The following CNOT1 variants were observed in gnomAD, a reference collection of about 807,000 sequenced individuals.
The protein encoded by CNOT1 is CCR4-associated factor 1.
In CNOT1, 15 loss-of-function variants were observed where a neutral mutation model predicts 273.8. The ratio of observed to expected loss-of-function variants is 0.05; its 90% confidence interval spans 0.04 to 0.08. The LOEUF (loss-of-function observed/expected upper bound fraction) is 0.08. Ranked by LOEUF, CNOT1 falls within the 10% of genes least tolerant of loss-of-function variation. The probability of loss-of-function intolerance (pLI) is 1.00; values close to 1 mark genes in which losing one functional copy is unlikely to be tolerated. For missense variants in CNOT1, 1,644 were observed against 2,912.2 expected, an observed-to-expected ratio of 0.56 and a Z score of 10.02; for synonymous variants, 1,022 against 1,005.5, an observed-to-expected ratio of 1.02 and a Z score of -0.31.
At chr16:58,597,761 G>C in intron 2 of CNOT1, 1 of 504,886 alleles carries the variant, frequency 2.0e-6, no homozygotes, top group South Asian at 1.5e-5. Flanking sequence ...CTGAGTGAAG[G>C]AGTCCAGGGG....
chr16:58,542,093 A>G, intron 33 of CNOT1, 138 bp downstream of exon 33: 1 of 1,078,922 alleles, frequency 9.3e-7, no homozygotes, highest in Non-Finnish European at 1.3e-6. Context: ...CCATTCAGTG[A>G]AATGCTATCA....
chr16:58,585,613 C>G (rs143452891), intron 7 of CNOT1, 107 bp from the exon 8 acceptor site: 1 of 1,455,156 alleles, frequency 6.9e-7, no homozygotes, highest in African/African-American at 1.4e-5. Flanking sequence ...AGTTCATATT[C>G]AAAGCCAAGC....
At chr16:58,628,969 G>A (rs1369536591) in intron 1 of CNOT1, among the ~76,000 whole-genome samples, 2 of 152,244 alleles carry the variant, frequency 1.3e-5, no homozygotes, top group African/African-American at 4.8e-5. Context: ...AGGCCTACAA[G>A]TGCTCAGCTC....
intron 42 of CNOT1, 150 bp from the exon 43 acceptor site, chr16:58,530,497 T>A: frequency 2.0e-6 from 1 of 510,140 alleles, no homozygotes; most frequent in Non-Finnish European, 3.3e-6. Flanking sequence ...AGATCGGCAT[T>A]AAAGGCCAGG....
intron 1 of CNOT1, among the ~76,000 whole-genome samples, chr16:58,627,743 A>C (rs1184339368): frequency 6.6e-6 from 1 of 152,210 alleles, no homozygotes; most frequent in African/African-American, 2.4e-5. Flanking sequence ...TAATGCCACA[A>C]AACCGTACCT....
At chr16:58,617,767 A>T (rs1255821351) in intron 1 of CNOT1, among the ~76,000 whole-genome samples, 1 of 152,130 alleles carries the variant, frequency 6.6e-6, no homozygotes. Context: ...GGACTTTGGG[A>T]GGCTGAGTCA....
intron 1 of CNOT1, among the ~76,000 whole-genome samples, chr16:58,621,343 G>A (rs975727162): frequency 4.0e-5 from 6 of 151,802 alleles, no homozygotes; most frequent in East Asian, 2.0e-4. Flanking sequence ...GTGCAATCTC[G>A]GCTCACCGCA....
At chr16:58,563,705 T>C (rs1375783985) in intron 16 of CNOT1, among the ~76,000 whole-genome samples, 2 of 152,194 alleles carry the variant, frequency 1.3e-5, no homozygotes, top group African/African-American at 4.8e-5. Flanking sequence ...TGTTGTCCCA[T>C]ATCTCACCAT....
At chr16:58,610,825 AGAGT>A (rs2042871518) in intron 1 of CNOT1, among the ~76,000 whole-genome samples, 1 of 152,080 alleles carries the variant, frequency 6.6e-6, no homozygotes, top group Admixed American at 6.6e-5. Flanking sequence ...CCTGGGCAAC[AGAGT>A]GAGACTCCGT....
At chr16:58,629,306 T>C (rs980617221) in intron 1 of CNOT1, among the ~76,000 whole-genome samples, 2 of 152,162 alleles carry the variant, frequency 1.3e-5, no homozygotes, top group South Asian at 2.1e-4. Context: ...CGATGCCCAC[T>C]GCAACCATCA....
intron 16 of CNOT1, among the ~76,000 whole-genome samples, chr16:58,574,099 AAAGAAGAAG>A (rs568803564): frequency 2.6e-5 from 4 of 151,942 alleles, no homozygotes; most frequent in Non-Finnish European, 5.9e-5. Flanking sequence ...AAAAGAAAAA[AAAGAAGAAG>A]AAGAAGAAGA....
chr16:58,542,267 A>G lies in CNOT1; in HGVS notation c.4644T>C (p.Tyr1548=), dbSNP rs763649899. 1.9e-5 allele frequency: 30 copies of G among 1,614,064 alleles called. No individual in the cohort carries two copies. The highest frequency in any genetic ancestry group is 3.3e-5 in the Admixed American group (2 of 60,004). ...RRYCDPVVLT[Y]QAERMPEQIR... ...TTTGCTCTGGCATCCGTTCAGCTTGATATGTTAAAACAACAGGATCACAGT... is the reference window on the plus strand; with the variant it reads ...TTTGCTCTGGCATCCGTTCAGCTTGGTATGTTAAAACAACAGGATCACAGT... The change falls in exon 33 of 49, where the codon TAT becomes TAC. Residue 1548 remains tyrosine (Y), a synonymous_variant. Transcript: ENST00000317147.
At chr16:58,578,658 T>A in intron 13 of CNOT1, 41 bp downstream of exon 13, 1 of 1,603,720 alleles carries the variant, frequency 6.2e-7, no homozygotes, top group African/African-American at 1.3e-5. Flanking sequence ...GAAGATCAAT[T>A]ATTCAGATGA....
rs1597405237 is a variant in CNOT1 at position 58,531,904 on chromosome 16, A to T, written c.6177+54T>A. 6 of 1,592,218 alleles carry T rather than the reference A, an allele frequency of 3.8e-6. No individual in the cohort carries two copies. In the Middle Eastern group the frequency reaches 5.0e-4, roughly 133 times the overall value. On this transcript the variant is annotated intron_variant, in intron 42 of 48. Transcript: ENST00000317147. ...TAGAAATCTATAGGCAATGCTAATA[A>T]ATAAGCCCAGGTAGTTATAGTCTTC...
Position 58,587,888 on chromosome 16 carries a change from T to TA in CNOT1, c.211-11dup. 1.9e-6 allele frequency: 3 copies of TA among 1,609,176 alleles called. No homozygotes were observed. Among genetic ancestry groups the TA allele is most frequent in the South Asian group, 1.1e-5 (1 of 90,688 alleles). ...GAATCAGAAACTGAGTCTTTAAAAA[T>TA]AAAAAATGATTTTCATTAGCACTAA... On this transcript the variant is annotated splice_polypyrimidine_tract_variant and intron_variant, in intron 3 of 48. Transcript: ENST00000317147.
At chr16:58,601,560 A>C (rs1250345954) in intron 1 of CNOT1, among the ~76,000 whole-genome samples, 1 of 152,136 alleles carries the variant, frequency 6.6e-6, no homozygotes, top group African/African-American at 2.4e-5. Context: ...GGAAGATTAA[A>C]ACCCCTTTAA....
intron 1 of CNOT1, among the ~76,000 whole-genome samples, chr16:58,629,365 G>A (rs1408100729): frequency 6.6e-6 from 1 of 152,190 alleles, no homozygotes; most frequent in Non-Finnish European, 1.5e-5. Flanking sequence ...AGGTCTCAGA[G>A]GGGTGCAACC....
chr16:58,585,636 T>C (rs2041808013), intron 7 of CNOT1, 130 bp from the exon 8 acceptor site: 2 of 1,410,472 alleles, frequency 1.4e-6, no homozygotes, highest in Non-Finnish European at 1.9e-6. Flanking sequence ...ATTTCATTTT[T>C]CCAGCCTACT....
At chr16:58,575,202 T>C (rs2041416666) in intron 14 of CNOT1, 73 bp from the exon 15 acceptor site, 1 of 1,558,842 alleles carries the variant, frequency 6.4e-7, no homozygotes, top group Non-Finnish European at 8.6e-7. Flanking sequence ...ATTCTGTTTT[T>C]CGCTTTCCAC....
Sources: gnomAD v4.1 joint callset for allele counts (sites outside exome capture counted in the v4.1 genomes callset) on GRCh38, gnomAD v4.1.1 for gene constraint, MANE v1.5 for transcripts, NCBI Gene and HGNC (gene_info 2026-07-23, HGNC 2026-07-21) for gene names.